ADD2: variants seen among roughly 807,000 people sequenced by gnomAD.
ADD2 encodes adducin 2.
Under a neutral mutation model 83.0 loss-of-function variants are expected in ADD2, and 23 were observed. The observed-to-expected ratio is 0.28, with a 90% CI of 0.20 to 0.39. The LOEUF is 0.39. Among genes scored for constraint, ADD2 ranks in the 10% least tolerant of loss-of-function variants. The pLI, the probability that ADD2 is intolerant of heterozygous loss-of-function variation, is 1.00. For missense variants in ADD2, 758 were observed against 944.9 expected (o/e 0.80, Z 2.59); for synonymous variants, 375 against 375.4 (o/e 1.00, Z 0.01).
intron 1 of ADD2, among the ~76,000 whole-genome samples, chr2:70,722,189 A>C (rs1316483678): frequency 3.3e-5 from 5 of 152,240 alleles, no homozygotes; most frequent in Non-Finnish European, 7.3e-5. Flanking sequence ...GAGAGATCCA[A>C]GCCCAGGTGT....
rs13427155 is a variant in ADD2 at position 70,659,963 on chromosome 2, A to G, written c.*3462T>C. 0.27 allele frequency: 41,831 copies of G among 152,174 alleles called. 6,243 individuals carry two copies. The highest frequency in any genetic ancestry group is 0.4 in the African/African-American group (16,541 of 41,452). The allele number at this position is 152,174 out of a possible 1,614,324, so 9.4% of individuals were successfully genotyped here. A position where few individuals can be genotyped will look rare whatever the true frequency, so the allele number is the denominator to read the frequency against. ...TTTCTCTGGCACATCCAAGCACAGT[A>G]GCTCAACCAGACATGAACCTACTGC... On this transcript the variant is annotated 3_prime_UTR_variant, in exon 16 of 16. Coordinates refer to ENST00000264436, the MANE Select transcript of ADD2 (RefSeq NM_001617.4).
In ADD2 at chr2:70,675,025, A is replaced by G. The variant is rs1232044806; in HGVS notation, c.1594-200T>C. On this transcript the variant is annotated intron_variant, in intron 13 of 15. Coordinates refer to ENST00000264436, the MANE Select transcript of ADD2 (RefSeq NM_001617.4). Reference sequence around the variant, plus strand: ...TGCTACCTTACCCCTAGATTTTGCAACTGGCTGGATGAATATAGGGGGTCC... The same window carrying G: ...TGCTACCTTACCCCTAGATTTTGCAGCTGGCTGGATGAATATAGGGGGTCC... The G allele has an allele frequency of 2.2e-6, 3 of 1,348,766 alleles. No individual in the cohort carries two copies. The South Asian group carries it at 6.2e-5, about 28-fold the overall frequency. The allele number at this position is 1,348,766 out of a possible 1,614,324, so 83.5% of individuals were successfully genotyped here.
chr2:70,664,738 AGT>A (rs34661774), intron 15 of ADD2, among the ~76,000 whole-genome samples: 5,698 of 148,216 alleles, frequency 0.038, 211 homozygotes, highest in African/African-American at 0.099. Flanking sequence ...TGAGTGTGCA[AGT>A]GTGTGTGTGG....
At position 70,658,223 on chromosome 2, in the gene ADD2, C is replaced by T. The variant is rs781843147; in HGVS notation, c.*5202G>A. 4 of 152,124 alleles carry T rather than the reference C, an allele frequency of 2.6e-5. No homozygotes were observed. Among genetic ancestry groups the T allele is most frequent in the Non-Finnish European group, 4.4e-5 (3 of 68,034 alleles). The allele number at this position is 152,124 out of a possible 1,614,324, so 9.4% of individuals were successfully genotyped here. ...CACTAAGGGACACCCCACTGAAGTC[C>T]CCACACTGCTTCCCGGTGAGCGTGG... On this transcript the variant is annotated 3_prime_UTR_variant, in exon 16 of 16. Transcript: ENST00000264436.
intron 1 of ADD2, among the ~76,000 whole-genome samples, chr2:70,724,930 G>A (rs1008968090): frequency 1.2e-4 from 19 of 152,194 alleles, no homozygotes; most frequent in African/African-American, 4.3e-4. Flanking sequence ...TGGAACAAAG[G>A]CCCCTGATGC....
At chr2:70,737,288 T>C (rs6756189) in intron 1 of ADD2, among the ~76,000 whole-genome samples, 52,045 of 151,998 alleles carry the variant, frequency 0.34, 8,975 homozygotes, top group Middle Eastern at 0.41. Flanking sequence ...ATGTTTATTG[T>C]GGCACTATTC....
chr2:70,712,905 T>C (rs1169461244), intron 2 of ADD2, among the ~76,000 whole-genome samples, 161 bp downstream of exon 2: 3 of 152,182 alleles, frequency 2.0e-5, no homozygotes, highest in East Asian at 1.9e-4. Context: ...TCAGATTCTA[T>C]GGTAGGTCTT....
At chr2:70,767,293 G>A (rs1275501462) in intron 1 of ADD2, 1 of 152,708 alleles carries the variant, frequency 6.5e-6, no homozygotes, top group African/African-American at 2.4e-5. Flanking sequence ...CAAAGTGGTG[G>A]AGCCGCATAA....
chr2:70,669,865 CAGACAGAG>C (rs1303468442), intron 15 of ADD2, among the ~76,000 whole-genome samples: 2 of 127,490 alleles, frequency 1.6e-5, no homozygotes, highest in Non-Finnish European at 3.7e-5. Flanking sequence ...GAGAGAGAGA[CAGACAGAG>C]AGACAGACAG....
At chr2:70,666,092 G>C (rs528953170) in intron 15 of ADD2, among the ~76,000 whole-genome samples, 1 of 152,266 alleles carries the variant, frequency 6.6e-6, no homozygotes, top group African/African-American at 2.4e-5. Flanking sequence ...GGGATTACAG[G>C]CGTGAGCCAC....
At chr2:70,735,072 A>G (rs1001419284) in intron 1 of ADD2, among the ~76,000 whole-genome samples, 4 of 152,220 alleles carry the variant, frequency 2.6e-5, no homozygotes, top group Non-Finnish European at 5.9e-5. Context: ...AATTTCAAAC[A>G]GTATTAGTTC....
chr2:70,682,227 T>C (rs1057341880), intron 10 of ADD2, among the ~76,000 whole-genome samples: 1 of 152,228 alleles, frequency 6.6e-6, no homozygotes, highest in Non-Finnish European at 1.5e-5. Context: ...CTAAATATAT[T>C]ACAATTATTA....
intron 1 of ADD2, among the ~76,000 whole-genome samples, chr2:70,714,964 T>C (rs1672390817): frequency 6.6e-6 from 1 of 152,164 alleles, no homozygotes; most frequent in Non-Finnish European, 1.5e-5. Context: ...AAATATACAG[T>C]GAACAAAATA....
At chr2:70,695,072 G>A (rs1671242300) in intron 6 of ADD2, among the ~76,000 whole-genome samples, 1 of 142,480 alleles carries the variant, frequency 7.0e-6, no homozygotes, top group South Asian at 2.3e-4. Flanking sequence ...TGCTGAGCCT[G>A]GACTTTTGAG....
intron 12 of ADD2, 112 bp downstream of exon 12, chr2:70,677,646 C>T (rs551155436): frequency 3.6e-6 from 5 of 1,372,888 alleles, no homozygotes; most frequent in Non-Finnish European, 5.1e-6. Flanking sequence ...TCCTGTGAGG[C>T]ATGTGAGATG....
rs1266640909 is a variant in ADD2 at position 70,658,332 on chromosome 2, T to C, written c.*5093A>G. The C allele has an allele frequency of 6.6e-6, 1 of 152,196 alleles. No individual in the cohort carries two copies. The highest frequency in any genetic ancestry group is 1.5e-5 in the Non-Finnish European group (1 of 68,032). 9.4% of individuals were successfully genotyped at this position (152,196 alleles called of 1,614,324 possible). On this transcript the variant is annotated 3_prime_UTR_variant, in exon 16 of 16. Coordinates refer to ENST00000264436, the MANE Select transcript of ADD2 (RefSeq NM_001617.4). ...GTGGTCTCTCATTTATGACAGAAAG[T>C]GTGCCACATCTGAATAGGTTGGTTA...
At chr2:70,753,647 T>C (rs1674625744) in intron 1 of ADD2, among the ~76,000 whole-genome samples, 1 of 151,818 alleles carries the variant, frequency 6.6e-6, no homozygotes, top group African/African-American at 2.4e-5. Context: ...TGTTTCTCAA[T>C]GAAGCTGGAG....
At chr2:70,704,825 C>T (rs1553374152) in intron 3 of ADD2, among the ~76,000 whole-genome samples, 1 of 152,170 alleles carries the variant, frequency 6.6e-6, no homozygotes. Context: ...GAGCCACCAT[C>T]CCTCTCCATT....
chr2:70,683,742 C>G lies in ADD2; in HGVS notation c.974G>C (p.Gly325Ala), dbSNP rs1416660334. The G allele has an allele frequency of 9.9e-6, 16 of 1,613,752 alleles. No homozygotes were observed. The highest frequency in any genetic ancestry group is 2.7e-5 in the African/African-American group (2 of 74,936). The change falls in exon 10 of 16, where the codon GGA becomes GCA. Residue 325 changes from glycine to alanine, a missense_variant. Gly to Ala is a moderately conservative substitution (Grantham distance 60). Coordinates refer to ENST00000264436, the MANE Select transcript of ADD2 (RefSeq NM_001617.4). Reference sequence around the variant, plus strand: ...CTCCAGGAGGATGAGGTTCTCCACTCCCCCGGCACTGGACAGAGCCGACAC... The same window carrying G: ...CTCCAGGAGGATGAGGTTCTCCACTGCCCCGGCACTGGACAGAGCCGACAC... ...IQVSALSSAG[G>A]VENLILLEQE...
Sources: allele counts gnomAD v4.1 joint callset (sites outside exome capture counted in the v4.1 genomes callset), GRCh38; gene constraint gnomAD v4.1.1; transcripts MANE v1.5; gene names NCBI Gene and HGNC (gene_info 2026-07-23, HGNC 2026-07-21).